The following KMT2C variants were observed in gnomAD, a reference collection of about 807,000 sequenced individuals.
KMT2C encodes the protein lysine methyltransferase 2C.
A neutral mutation model predicts 507.9 loss-of-function variants in KMT2C; 88 were observed. That is an observed-to-expected ratio of 0.17 (90% CI 0.15 to 0.21). KMT2C has a LOEUF of 0.21. KMT2C is among the 10% of genes least tolerant of loss of function. The pLI, the probability that KMT2C is intolerant of heterozygous loss-of-function variation, is 1.00. For synonymous variants in KMT2C, 2,049 were observed against 2,080.8 expected, an observed-to-expected ratio of 0.98 and a Z score of 0.42; for missense variants, 4,954 against 5,957.8, an observed-to-expected ratio of 0.83 and a Z score of 5.55.
Position 152,177,729 on chromosome 7 carries a change from C to G in KMT2C, c.7724G>C (p.Ser2575Thr), listed in dbSNP as rs778238891. ...CTCTACAACGCTGCCAGGTGGAGCA[C>G]TGAAAGGCAGCCGTTGCCTTCCGTC... ...APDGRQRLPF[S>T]APPGSVVEAS... Residue 2575 changes from serine to threonine, a missense_variant, in exon 38 of 59, where the codon AGT becomes ACT. By Grantham distance (58) the Ser-to-Thr change is moderately conservative. This residue lies in a region of KMT2C where 1,689 missense variants were observed against 1,654.3 expected (regional missense o/e 1.02). Coordinates refer to ENST00000262189, the MANE Select transcript of KMT2C (RefSeq NM_170606.3). 1.2e-6 allele frequency: 2 copies of G among 1,614,086 alleles called. No homozygotes were observed. Among genetic ancestry groups the G allele is most frequent in the South Asian group, 2.2e-5 (2 of 91,080 alleles).
intron 1 of KMT2C, among the ~76,000 whole-genome samples, chr7:152,396,419 T>A (rs947405729): frequency 2.6e-5 from 4 of 152,224 alleles, no homozygotes; most frequent in Admixed American, 6.5e-5. Flanking sequence ...ATTAATATAG[T>A]ACGTGTAAAG....
At position 152,277,329 on chromosome 7, in the gene KMT2C, G is replaced by A. The variant is rs564958024; in HGVS notation, c.850-3462C>T. On this transcript the variant is annotated intron_variant, in intron 6 of 58. Transcript: ENST00000262189. ...AATAAAGAACAAAGATGGAAAGTAAGAGAAAGAGGTAGAATGACATGAAAA... is the reference window on the plus strand; with the variant it reads ...AATAAAGAACAAAGATGGAAAGTAAAAGAAAGAGGTAGAATGACATGAAAA... Among the ~76,000 whole-genome samples, 649 of 152,248 alleles carry A rather than the reference G, an allele frequency of 4.3e-3. 4 individuals are homozygous for A. The highest frequency in any genetic ancestry group is 0.015 in the African/African-American group (622 of 41,548).
intron 1 of KMT2C, among the ~76,000 whole-genome samples, chr7:152,426,533 A>C (rs897583046): frequency 6.6e-6 from 1 of 152,068 alleles, no homozygotes; most frequent in African/African-American, 2.4e-5. Flanking sequence ...CAACATACCC[A>C]GCCTTATATC....
At chr7:152,271,386 A>G (rs2095965238) in intron 7 of KMT2C, among the ~76,000 whole-genome samples, 1 of 152,074 alleles carries the variant, frequency 6.6e-6, no homozygotes, top group African/African-American at 2.4e-5. Context: ...TAAGATCCCC[A>G]AGGAGGCCGG....
chr7:152,373,366 T>C (rs892632760), intron 1 of KMT2C, among the ~76,000 whole-genome samples: 6 of 152,214 alleles, frequency 3.9e-5, no homozygotes, highest in African/African-American at 7.2e-5. Flanking sequence ...ATATGTTTTG[T>C]TGAAAGAGTA....
chr7:152,361,429 A>G (rs1005610829), intron 1 of KMT2C, among the ~76,000 whole-genome samples: 2 of 151,460 alleles, frequency 1.3e-5, no homozygotes, highest in South Asian at 2.1e-4. Context: ...CGGGCGTGGT[A>G]GTGGGCGCCT....
chr7:152,266,321 T>C (rs1474163591), intron 7 of KMT2C, among the ~76,000 whole-genome samples: 1 of 152,112 alleles, frequency 6.6e-6, no homozygotes, highest in African/African-American at 2.4e-5. Flanking sequence ...CTCGGCTTAC[T>C]GTAACCTCCG....
intron 28 of KMT2C, among the ~76,000 whole-genome samples, 173 bp from the exon 29 acceptor site, chr7:152,194,741 T>C (rs1270681639): frequency 1.3e-5 from 2 of 152,014 alleles, no homozygotes; most frequent in Non-Finnish European, 2.9e-5. Context: ...CAGTAAAAAT[T>C]AGGCACAATA....
intron 4 of KMT2C, chr7:152,312,306 G>A (rs1006275423): frequency 3.8e-5 from 6 of 157,846 alleles, no homozygotes; most frequent in East Asian, 1.8e-4. Context: ...TTACTTAAAC[G>A]CTTACAAAAC....
At chr7:152,218,589 C>A (rs2094655549) in intron 23 of KMT2C, among the ~76,000 whole-genome samples, 1 of 152,162 alleles carries the variant, frequency 6.6e-6, no homozygotes, top group African/African-American at 2.4e-5. Context: ...GAGAGTGTTC[C>A]TCTTAAAATA....
Position 152,136,514 on chromosome 7 carries a change from A to T in KMT2C, c.*318T>A. 1 of 315,744 alleles carries T rather than the reference A, an allele frequency of 3.2e-6. No homozygotes were observed. The highest frequency in any genetic ancestry group is 5.9e-6 in the Non-Finnish European group (1 of 169,170). The allele number at this position is 315,744 out of a possible 1,614,324, so 19.6% of individuals were successfully genotyped here. On this transcript the variant is annotated 3_prime_UTR_variant, in exon 59 of 59. Coordinates refer to ENST00000262189, the MANE Select transcript of KMT2C (RefSeq NM_170606.3). ...CTTAGTGAGACTAGAAAACCAAAAC[A>T]ATGAAACCCACCCACAAGGGAAAAA... is the stretch of plus-strand genomic sequence containing the variant.
chr7:152,357,412 T>C (rs2097161223), intron 2 of KMT2C, among the ~76,000 whole-genome samples: 2 of 152,010 alleles, frequency 1.3e-5, no homozygotes, highest in Admixed American at 1.3e-4. Context: ...TAGTCTCAGC[T>C]ATTAAGGAGG....
intron 33 of KMT2C, 104 bp from the exon 34 acceptor site, chr7:152,185,735 G>A (rs1046672275): frequency 5.0e-5 from 42 of 846,380 alleles, no homozygotes; most frequent in African/African-American, 2.8e-4. Flanking sequence ...TATTCAGGCC[G>A]TATTCTCATG....
intron 1 of KMT2C, among the ~76,000 whole-genome samples, chr7:152,373,163 CAG>C (rs981824949): frequency 6.6e-6 from 1 of 151,396 alleles, no homozygotes; most frequent in Non-Finnish European, 1.5e-5. Flanking sequence ...AGAAAAAAAA[CAG>C]ATATAAATGC....
At chr7:152,265,235 A>C (rs755985084) in intron 7 of KMT2C, 26 bp from the exon 8 acceptor site, 1 of 1,610,574 alleles carries the variant, frequency 6.2e-7, no homozygotes, top group East Asian at 2.2e-5. Flanking sequence ...AAACAATGAA[A>C]TTGTTGTATA....
intron 1 of KMT2C, among the ~76,000 whole-genome samples, chr7:152,378,314 G>T (rs2097344629): frequency 6.6e-6 from 1 of 152,160 alleles, no homozygotes; most frequent in East Asian, 1.9e-4. Context: ...TTGTCTTATT[G>T]TAAGAAACTA....
rs1035538964 is a variant in KMT2C at position 152,181,637 on chromosome 7, G to T, written c.6223C>A (p.Pro2075Thr). 1.2e-6 allele frequency: 2 copies of T among 1,613,956 alleles called. No homozygotes were observed. The highest frequency in any genetic ancestry group is 2.7e-5 in the African/African-American group (2 of 74,884). Reference sequence around the variant, plus strand: ...TCTATAGGTCTTGGTGTCAAAGCAGGCCTTTCATAAGGGTCAACAGACAAT... The same window carrying T: ...TCTATAGGTCTTGGTGTCAAAGCAGTCCTTTCATAAGGGTCAACAGACAAT... Reference protein sequence around the residue: ...RRLSVDPYERPALTPRPIDNF... With the variant: ...RRLSVDPYERTALTPRPIDNF... The change falls in exon 36 of 59, where the codon CCT (proline) becomes ACT (threonine). Residue 2075 changes from proline (P) to threonine (T), a missense_variant. By Grantham distance (38) the Pro-to-Thr change is conservative. This residue lies in a region of KMT2C where 1,689 missense variants were observed against 1,654.3 expected (regional missense o/e 1.02). Coordinates refer to ENST00000262189, the MANE Select transcript of KMT2C (RefSeq NM_170606.3).
chr7:152,147,722 A>AG (rs2091266815), intron 52 of KMT2C, among the ~76,000 whole-genome samples: 3 of 143,304 alleles, frequency 2.1e-5, no homozygotes, highest in Admixed American at 1.4e-4. Flanking sequence ...AAAAAAAAAA[A>AG]AAAAAAGAAA....
At chr7:152,189,930 G>C (rs1218613007) in intron 31 of KMT2C, among the ~76,000 whole-genome samples, 1 of 152,168 alleles carries the variant, frequency 6.6e-6, no homozygotes, top group Non-Finnish European at 1.5e-5. Context: ...GACCTGTTAG[G>C]AACCCGGCCG....
Sources: allele counts gnomAD v4.1 joint callset (sites outside exome capture counted in the v4.1 genomes callset), GRCh38; gene constraint gnomAD v4.1.1; regional missense constraint gnomAD v4.1.1; transcripts MANE v1.5; gene names NCBI Gene and HGNC (gene_info 2026-07-23, HGNC 2026-07-21).